MACROD2: variants seen among roughly 807,000 people sequenced by gnomAD.
MACROD2 encodes ADP-ribose glycohydrolase MACROD2.
A neutral mutation model predicts 70.4 loss-of-function variants in MACROD2; 36 were observed. The observed-to-expected ratio is 0.51, with a 90% CI of 0.39 to 0.68. MACROD2 has a LOEUF of 0.68. Among genes scored for constraint, MACROD2 ranks in the 30% least tolerant of loss-of-function variants. The pLI is 0.00. For missense variants in MACROD2, 496 were observed against 538.4 expected (o/e 0.92, Z 0.78); for synonymous variants, 172 against 178.8 (o/e 0.96, Z 0.30).
intron 3 of MACROD2, among the ~76,000 whole-genome samples, chr20:14,185,013 T>C (rs1242475625): frequency 6.6e-6 from 1 of 152,122 alleles, no homozygotes; most frequent in Non-Finnish European, 1.5e-5. Flanking sequence ...ATAAGCTTCA[T>C]GAATATAGAC....
chr20:15,949,675 T>C (rs1360606898), intron 12 of MACROD2, among the ~76,000 whole-genome samples: 1 of 152,206 alleles, frequency 6.6e-6, no homozygotes, highest in Non-Finnish European at 1.5e-5. Flanking sequence ...TTTTTCTGCC[T>C]GCTTTGTGTT....
chr20:15,889,509 A>G (rs1427232215), intron 10 of MACROD2, among the ~76,000 whole-genome samples: 1 of 152,118 alleles, frequency 6.6e-6, no homozygotes, highest in African/African-American at 2.4e-5. Flanking sequence ...CCAGACTTTT[A>G]TAGTAAGTAG....
chr20:14,038,622 G>A (rs1022843910), intron 2 of MACROD2, among the ~76,000 whole-genome samples: 1 of 152,070 alleles, frequency 6.6e-6, no homozygotes, highest in African/African-American at 2.4e-5. Context: ...TTTGATTTTT[G>A]GAAAGATGTG....
intron 4 of MACROD2, among the ~76,000 whole-genome samples, chr20:14,640,413 T>A (rs951842637): frequency 9.9e-5 from 15 of 151,804 alleles, no homozygotes; most frequent in African/African-American, 3.1e-4. Context: ...AAAAGGATAT[T>A]TTTTTTTCTA....
intron 7 of MACROD2, among the ~76,000 whole-genome samples, chr20:15,442,294 ATTAG>A (rs1346316964): frequency 6.6e-6 from 1 of 152,202 alleles, no homozygotes; most frequent in Non-Finnish European, 1.5e-5. Flanking sequence ...ACAAGACCAT[ATTAG>A]TTAGGGTAAA....
intron 3 of MACROD2, among the ~76,000 whole-genome samples, chr20:14,140,022 A>C (rs1386882230): frequency 5.9e-5 from 9 of 152,242 alleles, no homozygotes; most frequent in African/African-American, 2.2e-4. Context: ...CTCATTTTAT[A>C]TATATGCAAA....
intron 3 of MACROD2, among the ~76,000 whole-genome samples, chr20:14,478,699 G>A (rs2084626408): frequency 6.6e-6 from 1 of 152,054 alleles, no homozygotes; most frequent in African/African-American, 2.4e-5. Flanking sequence ...CTGAGGCTCT[G>A]TTCATTTTAG....
chr20:14,700,201 G>T (rs575414622), intron 5 of MACROD2, among the ~76,000 whole-genome samples: 17 of 152,138 alleles, frequency 1.1e-4, no homozygotes, highest in Admixed American at 5.2e-4. Flanking sequence ...ACCATATTTT[G>T]TGTGTGTGTC....
intron 3 of MACROD2, among the ~76,000 whole-genome samples, chr20:14,482,099 G>A (rs2084670096): frequency 1.3e-5 from 2 of 152,180 alleles, no homozygotes; most frequent in Admixed American, 1.3e-4. Flanking sequence ...CACGTCATGA[G>A]TTAGATTTGT....
Position 15,068,307 on chromosome 20 carries a change from AT to A in MACROD2, c.419-161632del, listed in dbSNP as rs2075593363. Among the ~76,000 whole-genome samples the A allele has an allele frequency of 1.3e-5, 2 of 152,196 alleles. 1 individual carries two copies. Among genetic ancestry groups the A allele is most frequent in the African/African-American group, 4.8e-5 (2 of 41,454 alleles). ...ATGACTACTTGTGATTGACTTCAGC[AT>A]ACATTGTATATAGTTTAAAAAATAT... On this transcript the variant is annotated intron_variant, in intron 5 of 17. Transcript: ENST00000684519.
At chr20:15,576,114 T>A (rs1289585704) in intron 8 of MACROD2, among the ~76,000 whole-genome samples, 2 of 152,176 alleles carry the variant, frequency 1.3e-5, no homozygotes, top group African/African-American at 4.8e-5. Flanking sequence ...TTTTTTTTAA[T>A]TTGTATGCAC....
At chr20:15,129,380 T>C (rs1312864457) in intron 5 of MACROD2, among the ~76,000 whole-genome samples, 1 of 152,032 alleles carries the variant, frequency 6.6e-6, no homozygotes, top group African/African-American at 2.4e-5. Context: ...ATGGGCAAAC[T>C]GGAACTAACG....
intron 3 of MACROD2, among the ~76,000 whole-genome samples, chr20:14,357,280 C>G (rs907150466): frequency 3.3e-5 from 5 of 152,176 alleles, no homozygotes; most frequent in Non-Finnish European, 5.9e-5. Flanking sequence ...GCAGCAATCT[C>G]AATTCTGTGT....
chr20:14,442,448 A>AT (rs151052144), intron 3 of MACROD2, among the ~76,000 whole-genome samples: 2,530 of 152,104 alleles, frequency 0.017, 77 homozygotes, highest in African/African-American at 0.056. Context: ...TTTTGCAGTG[A>AT]TTTTTCATTA....
At chr20:14,815,317 G>T (rs1301393241) in intron 5 of MACROD2, among the ~76,000 whole-genome samples, 1 of 151,938 alleles carries the variant, frequency 6.6e-6, no homozygotes, top group Non-Finnish European at 1.5e-5. Context: ...GAATCTTTCG[G>T]AAAGAAAAAA....
At chr20:14,558,804 G>T (rs75013837) in intron 4 of MACROD2, among the ~76,000 whole-genome samples, 3,565 of 151,786 alleles carry the variant, frequency 0.023, 59 homozygotes, top group Admixed American at 0.037. Context: ...TTTCATTCCT[G>T]AAAGAGCTGC....
In MACROD2 at chr20:14,131,001, T is replaced by C. The variant is rs187704806; in HGVS notation, c.271+45273T>C. ...CTGAAGTAGCTCAATCATAGCTTACTGCAACCTTGGACTTTTGGGTTCCAG... is the reference window on the plus strand; with the variant it reads ...CTGAAGTAGCTCAATCATAGCTTACCGCAACCTTGGACTTTTGGGTTCCAG... On this transcript the variant is annotated intron_variant, in intron 3 of 17. Coordinates refer to ENST00000684519, the MANE Select transcript of MACROD2 (RefSeq NM_001351661.2). 1.6e-3 allele frequency among the ~76,000 whole-genome samples: 236 copies of C among 150,418 alleles called. 1 individual carries two copies. Among genetic ancestry groups the C allele is most frequent in the African/African-American group, 5.4e-3 (219 of 40,822 alleles).
chr20:14,055,591 G>T (rs1186045688), intron 2 of MACROD2, among the ~76,000 whole-genome samples: 1 of 151,828 alleles, frequency 6.6e-6, no homozygotes, highest in Non-Finnish European at 1.5e-5. Context: ...TGGGCATAGG[G>T]CAAGTTACCT....
intron 4 of MACROD2, among the ~76,000 whole-genome samples, chr20:14,649,607 C>T (rs891122679): frequency 6.6e-6 from 1 of 152,162 alleles, no homozygotes; most frequent in Non-Finnish European, 1.5e-5. Context: ...AGAATGCTAA[C>T]AAAGAACTGG....
Sources: allele counts gnomAD v4.1 joint callset (sites outside exome capture counted in the v4.1 genomes callset), GRCh38; gene constraint gnomAD v4.1.1; transcripts MANE v1.5; gene names NCBI Gene and HGNC (gene_info 2026-07-23, HGNC 2026-07-21).